Variants in GON4L observed in about 807,000 individuals in gnomAD.
The protein encoded by GON4L is GON-4-like protein.
GON4L carries 87 observed loss-of-function variants against 211.8 expected under a neutral mutation model. The observed-to-expected ratio is 0.41, with a 90% CI of 0.35 to 0.49. The LOEUF is 0.49. GON4L is among the 20% of genes least tolerant of loss of function. GON4L has a pLI of 0.15. For synonymous variants in GON4L, 875 were observed against 962.6 expected (o/e 0.91, Z 1.68); for missense variants, 2,155 against 2,659.5 (o/e 0.81, Z 4.17).
At chr1:155,806,186 T>C (rs1667115602) in intron 10 of GON4L, among the ~76,000 whole-genome samples, 2 of 150,096 alleles carry the variant, frequency 1.3e-5, no homozygotes, top group South Asian at 2.1e-4. Flanking sequence ...GGAGTCTTGC[T>C]CTGTCACCCA....
At chr1:155,771,324 C>T (rs781375793) in intron 18 of GON4L, 107 bp from the exon 19 acceptor site, 56 of 1,476,338 alleles carry the variant, frequency 3.8e-5, no homozygotes, top group Non-Finnish European at 5.0e-5. Context: ...TTTCTTGAGA[C>T]AAGGTCTCAC....
intron 2 of GON4L, among the ~76,000 whole-genome samples, chr1:155,833,870 C>T (rs1478936995): frequency 1.3e-5 from 2 of 151,800 alleles, no homozygotes; most frequent in Non-Finnish European, 2.9e-5. Context: ...CTCTGTCACC[C>T]AGGTTGCAAT....
chr1:155,767,034 G>T, intron 20 of GON4L: 1 of 553,040 alleles, frequency 1.8e-6, no homozygotes, highest in Non-Finnish European at 3.2e-6. Context: ...GCAAGACTCT[G>T]TCTCAAAAAC....
chr1:155,854,085 C>G (rs975248348), intron 1 of GON4L, among the ~76,000 whole-genome samples: 1 of 152,120 alleles, frequency 6.6e-6, no homozygotes, highest in African/African-American at 2.4e-5. Flanking sequence ...GCTCTTACTT[C>G]ATAGAATTGT....
chr1:155,748,594 CTTCT>C (rs1337050528), downstream of GON4L: 3 of 1,613,298 alleles, frequency 1.9e-6, no homozygotes, highest in Admixed American at 1.7e-5. Flanking sequence ...TGTTCTCTTC[CTTCT>C]CTTTAAGTGG....
rs763105456 is a variant in GON4L at position 155,752,160 on chromosome 1, C to T, written c.6273G>A (p.Thr2091=). The T allele has an allele frequency of 8.1e-6, 13 of 1,612,476 alleles. 1 individual carries two copies. Among genetic ancestry groups the T allele is most frequent in the South Asian group, 7.7e-5 (7 of 91,054 alleles). The change falls in exon 30 of 32, where the codon ACG becomes ACA. Residue 2091 remains threonine (T), a synonymous_variant. Coordinates refer to ENST00000368331, the MANE Select transcript of GON4L (RefSeq NM_001282860.2). Reference sequence around the variant, plus strand: ...CTGATGGAGATTCATGGACAGGGCACGTCCTGTCTCTTGTCTTCACCCGAG... The same window carrying T: ...CTGATGGAGATTCATGGACAGGGCATGTCCTGTCTCTTGTCTTCACCCGAG... The part of the protein sequence containing the change: ...SRARVKTRDR[T]CPVHESPSGI...
chr1:155,853,510 T>C lies in GON4L; in HGVS notation c.271A>G (p.Ile91Val), dbSNP rs756988175. The C allele has an allele frequency of 6.8e-6, 11 of 1,614,092 alleles. No homozygotes were observed. The Admixed American group carries it at 1.3e-4, about 20-fold the overall frequency. The change falls in exon 2 of 32, where the codon ATT becomes GTT. Residue 91 changes from isoleucine to valine, a missense_variant. Ile to Val is a conservative substitution (Grantham distance 29). Around this residue, in one of 6 missense-constraint regions of GON4L, gnomAD observed 313 missense variants for 293.2 expected, o/e 1.07. Transcript: ENST00000368331. ...GMLTQNTNVPILEGVDVAISQ... is the reference protein window; with the variant it reads ...GMLTQNTNVPVLEGVDVAISQ... ...ATGGCCACATCAACACCTTCTAGAA[T>C]TGGTACATTTGTGTTCTGGGTGAGC...
chr1:155,767,221 T>G, intron 20 of GON4L: 2 of 1,251,148 alleles, frequency 1.6e-6, no homozygotes, highest in Non-Finnish European at 2.2e-6. Flanking sequence ...CTTTAGCAAA[T>G]TATTATTTTA....
intron 12 of GON4L, among the ~76,000 whole-genome samples, chr1:155,794,111 G>A (rs758232946): frequency 1.0e-4 from 15 of 150,648 alleles, no homozygotes; most frequent in African/African-American, 3.2e-4. Flanking sequence ...TTGCTCTGTC[G>A]CCCAGGCTGG....
At position 155,775,085 on chromosome 1, in the gene GON4L, A is replaced by G; in HGVS notation, c.2267T>C (p.Leu756Ser). The G allele has an allele frequency of 3.1e-6, 5 of 1,613,830 alleles. No individual in the cohort carries two copies. The highest frequency in any genetic ancestry group is 4.2e-6 in the Non-Finnish European group (5 of 1,179,774). ...TTCAATCAGCTGCATAGCTCCCATC[A>G]AGTTACAGGGTTGGAACAGGGTCTG... ...KFQTLFQPCN[L>S]MGAMQLIEDF... The change falls in exon 17 of 32, where the codon TTG (leucine) becomes TCG (serine). Residue 756 changes from leucine to serine, a missense_variant. Physicochemically the swap from Leu to Ser is moderately radical, Grantham distance 145. Transcript: ENST00000368331.
In GON4L at chr1:155,766,379, G is replaced by C; in HGVS notation, c.3094C>G (p.Pro1032Ala). ...PARSTHSEAP[P>A]SKMVLRIPHP... ...GGAATCCGGAGCACCATTTTGCTCG[G>C]AGGGGCTTCTGAATGAGTTGATCGG... The change falls in exon 21 of 32, where the codon CCG becomes GCG. Residue 1032 changes from proline to alanine, a missense_variant. Transcript: ENST00000368331. 6.2e-7 allele frequency: 1 copy of C among 1,614,170 alleles called. No homozygotes were observed. Among genetic ancestry groups the C allele is most frequent in the East Asian group, 2.2e-5 (1 of 44,868 alleles).
At chr1:155,817,144 C>A (rs768926474) in intron 6 of GON4L, among the ~76,000 whole-genome samples, 1 of 152,082 alleles carries the variant, frequency 6.6e-6, no homozygotes, top group Non-Finnish European at 1.5e-5. Context: ...CATGCCTCCT[C>A]ACCAGGCCTC....
In GON4L at chr1:155,766,598, C is replaced by G. The variant is rs753079741; in HGVS notation, c.2875G>C (p.Asp959His). Residue 959 changes from aspartate to histidine, a missense_variant, in exon 21 of 32, where the codon GAC becomes CAC. Asp to His is a moderately conservative substitution (Grantham distance 81, BLOSUM62 -1). This residue lies in a region of GON4L where 615 missense variants were observed against 625.7 expected (regional missense o/e 0.98). Coordinates refer to ENST00000368331, the MANE Select transcript of GON4L (RefSeq NM_001282860.2). Reference protein sequence around the residue: ...EINSDRSLEKDNLELGSESRY... With the variant: ...EINSDRSLEKHNLELGSESRY... ...GATTCACTCCCCAACTCCAAATTGTCTTTTTCTAGGCTTCGATCTGAGTTG... is the reference window on the plus strand; with the variant it reads ...GATTCACTCCCCAACTCCAAATTGTGTTTTTCTAGGCTTCGATCTGAGTTG... The G allele has an allele frequency of 5.0e-6, 8 of 1,614,030 alleles. No homozygotes were observed. Among genetic ancestry groups the G allele is most frequent in the Non-Finnish European group, 6.8e-6 (8 of 1,180,026 alleles).
At chr1:155,788,300 A>C (rs576830306) in intron 12 of GON4L, among the ~76,000 whole-genome samples, 11 of 152,296 alleles carry the variant, frequency 7.2e-5, no homozygotes, top group Admixed American at 4.6e-4. Context: ...GCCAACAAAA[A>C]AAATTAAAAT....
chr1:155,844,829 C>A (rs1671079885), intron 2 of GON4L, among the ~76,000 whole-genome samples: 1 of 152,194 alleles, frequency 6.6e-6, no homozygotes, highest in Admixed American at 6.5e-5. Context: ...CTTTTTAGGA[C>A]CTCTAGCAGC....
rs139923622 is a variant in GON4L at position 155,804,962 on chromosome 1, A to G, written c.1632T>C (p.Asp544=). 71 of 1,613,090 alleles carry G rather than the reference A, an allele frequency of 4.4e-5. No homozygotes were observed. The highest frequency in any genetic ancestry group is 5.3e-5 in the Non-Finnish European group (62 of 1,179,226). ...ACCAAAACTTACCTTCATTCCCCACATCATCATTCATAAGTCCCCCCAGCC... is the reference window on the plus strand; with the variant it reads ...ACCAAAACTTACCTTCATTCCCCACGTCATCATTCATAAGTCCCCCCAGCC... ...KMWLGGLMND[D]VGNEDEADDD... is the part of the protein sequence containing the mutation. The change falls in exon 11 of 32, where the codon GAT becomes GAC. Residue 544 remains aspartate (D), a synonymous_variant. Coordinates refer to ENST00000368331, the MANE Select transcript of GON4L (RefSeq NM_001282860.2).
intron 2 of GON4L, among the ~76,000 whole-genome samples, chr1:155,847,086 A>T (rs1267472287): frequency 1.3e-5 from 2 of 152,172 alleles, no homozygotes; most frequent in Non-Finnish European, 2.9e-5. Context: ...AATTTACAAA[A>T]TTGCTAAATG....
rs893352615 is a variant in GON4L at position 155,775,521 on chromosome 1, C to T, written c.2179-348G>A. Among the ~76,000 whole-genome samples, 3 of 150,706 alleles carry T rather than the reference C, an allele frequency of 2.0e-5. No homozygotes were observed. In the South Asian group the frequency reaches 6.3e-4, roughly 32 times the overall value. On this transcript the variant is annotated intron_variant, in intron 16 of 31. Transcript: ENST00000368331. ...CCAGGCTGGAGCGTAGTGGTGCGAT[C>T]TTGACTCACTGAAGTCTCCACTTCC...
At chr1:155,828,100 G>C (rs1444626599) in intron 2 of GON4L, among the ~76,000 whole-genome samples, 1 of 151,950 alleles carries the variant, frequency 6.6e-6, no homozygotes, top group Non-Finnish European at 1.5e-5. Flanking sequence ...CAAGGCTGCA[G>C]TGAGCTGTGA....
Sources: gnomAD v4.1 joint callset for allele counts (sites outside exome capture counted in the v4.1 genomes callset) on GRCh38, gnomAD v4.1.1 for gene constraint, gnomAD v4.1.1 regional missense constraint, MANE v1.5 for transcripts, NCBI Gene and HGNC (gene_info 2026-07-23, HGNC 2026-07-21) for gene names.